MYO16: variants seen among roughly 807,000 people sequenced by gnomAD.
MYO16 encodes myosin XVI.
A neutral mutation model predicts 205.3 loss-of-function variants in MYO16; 94 were observed. The observed-to-expected ratio is 0.46, with a 90% CI of 0.39 to 0.54. The LOEUF (loss-of-function observed/expected upper bound fraction) is 0.54. MYO16 is among the 20% of genes least tolerant of loss of function. The pLI, the probability that MYO16 is intolerant of heterozygous loss-of-function variation, is 0.00. For synonymous variants in MYO16, 988 were observed against 954.0 expected (o/e 1.04, Z -0.66); for missense variants, 2,315 against 2,387.5 (o/e 0.97, Z 0.63).
chr13:108,706,655 A>G (rs569824839), intron 2 of MYO16, among the ~76,000 whole-genome samples: 4 of 152,282 alleles, frequency 2.6e-5, no homozygotes, highest in East Asian at 1.9e-4. Flanking sequence ...AGTGCTAACT[A>G]TTAGTACATA....
intron 22 of MYO16, among the ~76,000 whole-genome samples, chr13:109,010,267 T>C (rs1393062811): frequency 6.6e-6 from 1 of 152,210 alleles, no homozygotes; most frequent in Non-Finnish European, 1.5e-5. Context: ...CCCTTTCTTA[T>C]GGCTTATTTC....
the MYO16 span, among the ~76,000 whole-genome samples, chr13:108,509,308 C>T: frequency 6.6e-6 from 1 of 152,200 alleles, no homozygotes; most frequent in South Asian, 2.1e-4. Flanking sequence ...TTCTCTCCTA[C>T]AGAAACTAGA....
At chr13:109,191,676 A>T (rs1879923078) in intron 34 of MYO16, among the ~76,000 whole-genome samples, 2 of 152,184 alleles carry the variant, frequency 1.3e-5, no homozygotes, top group South Asian at 2.1e-4. Flanking sequence ...GGCTGCAGTG[A>T]GATTACTCTA....
chr13:108,925,942 A>ACAGAATTCAT (rs1881979571), intron 16 of MYO16, among the ~76,000 whole-genome samples: 1 of 152,150 alleles, frequency 6.6e-6, no homozygotes, highest in African/African-American at 2.4e-5. Flanking sequence ...GGACAGTAGA[A>ACAGAATTCAT]CAGAATTCAT....
At chr13:109,039,504 C>T (rs1886817450) in intron 23 of MYO16, among the ~76,000 whole-genome samples, 2 of 152,132 alleles carry the variant, frequency 1.3e-5, no homozygotes, top group Admixed American at 6.5e-5. Flanking sequence ...GTAGGTTTGC[C>T]TACCACAATG....
chr13:108,503,343 G>A, the MYO16 span, among the ~76,000 whole-genome samples: 8 of 152,230 alleles, frequency 5.3e-5, no homozygotes, highest in Admixed American at 2.6e-4. Flanking sequence ...AGCCTCTGCC[G>A]GGAGCCGACG....
At chr13:108,810,324 G>T (rs1477579708) in intron 7 of MYO16, among the ~76,000 whole-genome samples, 1 of 152,158 alleles carries the variant, frequency 6.6e-6, no homozygotes, top group Non-Finnish European at 1.5e-5. Flanking sequence ...CTAGCCCATT[G>T]TCCAGCACAG....
chr13:108,927,410 G>A (rs878874562), intron 16 of MYO16, among the ~76,000 whole-genome samples: 5 of 151,994 alleles, frequency 3.3e-5, no homozygotes, highest in Admixed American at 1.3e-4. Flanking sequence ...AATGGGCCTG[G>A]GGCATGAGCC....
chr13:108,760,610 T>C (rs867041840), intron 4 of MYO16, among the ~76,000 whole-genome samples: 1 of 152,182 alleles, frequency 6.6e-6, no homozygotes, highest in South Asian at 2.1e-4. Context: ...ACCTAAAGTT[T>C]TTAAAGTCCT....
At chr13:108,541,784 T>C in the MYO16 span, among the ~76,000 whole-genome samples, 1 of 152,096 alleles carries the variant, frequency 6.6e-6, no homozygotes, top group African/African-American at 2.4e-5. Flanking sequence ...AACAGTCAAA[T>C]GGCTGTTATT....
chr13:108,663,469 G>A (rs1881591367), intron 1 of MYO16, among the ~76,000 whole-genome samples: 1 of 152,016 alleles, frequency 6.6e-6, no homozygotes, highest in Non-Finnish European at 1.5e-5. Flanking sequence ...ATAAACTAAT[G>A]TTTTAGATCA....
chr13:108,916,977 A>G (rs1881520841), intron 16 of MYO16, among the ~76,000 whole-genome samples: 1 of 152,220 alleles, frequency 6.6e-6, no homozygotes, highest in Non-Finnish European at 1.5e-5. Flanking sequence ...GAGTGTTGAG[A>G]TGAGGGCGTA....
intron 31 of MYO16, among the ~76,000 whole-genome samples, chr13:109,137,815 A>G (rs901256804): frequency 4.6e-5 from 7 of 152,200 alleles, no homozygotes; most frequent in Non-Finnish European, 1.0e-4. Flanking sequence ...CCTAAGGCTC[A>G]GAGAGCTTTG....
At chr13:108,816,572 G>A (rs577502802) in intron 7 of MYO16, among the ~76,000 whole-genome samples, 1 of 152,162 alleles carries the variant, frequency 6.6e-6, no homozygotes, top group Non-Finnish European at 1.5e-5. Flanking sequence ...ATAAGCATGA[G>A]TTGCAAGATA....
intron 12 of MYO16, among the ~76,000 whole-genome samples, chr13:108,878,917 A>G (rs761757649): frequency 1.1e-4 from 17 of 152,234 alleles, no homozygotes; most frequent in Non-Finnish European, 1.9e-4. Flanking sequence ...GTAGGGTTGC[A>G]CTGAATTATC....
chr13:108,997,909 C>T (rs1225534338), intron 21 of MYO16, among the ~76,000 whole-genome samples: 1 of 152,200 alleles, frequency 6.6e-6, no homozygotes, highest in Non-Finnish European at 1.5e-5. Context: ...TTGATTTCAT[C>T]AGACTTGTCA....
chr13:109,093,313 T>G (rs886230768), intron 27 of MYO16, among the ~76,000 whole-genome samples: 1 of 152,180 alleles, frequency 6.6e-6, no homozygotes, highest in Non-Finnish European at 1.5e-5. Context: ...CATGAGGGCA[T>G]GAGCATTCCG....
chr13:108,692,759 G>A (rs1445246414), intron 2 of MYO16, among the ~76,000 whole-genome samples: 1 of 152,128 alleles, frequency 6.6e-6, no homozygotes, highest in African/African-American at 2.4e-5. Context: ...CAAAAAGAAG[G>A]GTAGTGATTG....
At chr13:109,173,887 CAAAAA>C (rs778094207) in intron 33 of MYO16, among the ~76,000 whole-genome samples, 1 of 29,106 alleles carries the variant, frequency 3.4e-5, no homozygotes, top group African/African-American at 1.4e-4. Context: ...GACTCCATCT[CAAAAA>C]AAAAAAAAAA....
Sources: gnomAD v4.1 joint callset for allele counts (sites outside exome capture counted in the v4.1 genomes callset) on GRCh38, gnomAD v4.1.1 for gene constraint, MANE v1.5 for transcripts, NCBI Gene and HGNC (gene_info 2026-07-23, HGNC 2026-07-21) for gene names.